The following RUNX1 variants were observed in gnomAD, a reference collection of about 807,000 sequenced individuals.
The protein encoded by RUNX1 is runt-related transcription factor 1.
RUNX1 carries 19 observed loss-of-function variants against 42.8 expected under a neutral mutation model. The ratio of observed to expected loss-of-function variants is 0.44; its 90% CI spans 0.31 to 0.65. The LOEUF (loss-of-function observed/expected upper bound fraction) is 0.65, where lower values mean the gene tolerates loss of function less well. RUNX1 is among the 30% of genes least tolerant of loss of function. The pLI is 0.07. For missense variants in RUNX1, 528 were observed against 672.0 expected, an observed-to-expected ratio of 0.79 and a Z score of 2.37; for synonymous variants, 271 against 289.4, an observed-to-expected ratio of 0.94 and a Z score of 0.64.
rs910166481 is a variant in RUNX1, at chr21:34,816,460, G to A, written c.806-16998C>T. Among the ~76,000 whole-genome samples, 3 of 152,146 alleles carry A rather than the reference G, an allele frequency of 2.0e-5. No individual in the cohort carries two copies. In the East Asian group the frequency reaches 5.8e-4, roughly 29 times the overall value. The stretch of plus-strand genomic sequence containing the variant: ...GTGGTTGAGTTTTTACTGTCTTACA[G>A]CACAGATGGTGGAAAATCATAGCCA... On this transcript the variant is annotated intron_variant, in intron 7 of 8. Coordinates refer to ENST00000675419, the MANE Select transcript of RUNX1 (RefSeq NM_001754.5).
intron 5 of RUNX1, among the ~76,000 whole-genome samples, chr21:34,870,324 C>T (rs1458002248): frequency 6.6e-6 from 1 of 152,216 alleles, no homozygotes; most frequent in Non-Finnish European, 1.5e-5. Context: ...CTCATTGTCC[C>T]TCTGTCTTCC....
intron 2 of RUNX1, among the ~76,000 whole-genome samples, chr21:34,956,958 A>G (rs1034272723): frequency 3.9e-5 from 6 of 152,160 alleles, no homozygotes; most frequent in African/African-American, 1.4e-4. Flanking sequence ...TAACCTGATG[A>G]TTTCCACGTG....
chr21:34,943,706 G>A (rs1397618698), intron 2 of RUNX1, among the ~76,000 whole-genome samples: 1 of 152,114 alleles, frequency 6.6e-6, no homozygotes, highest in Non-Finnish European at 1.5e-5. Flanking sequence ...AGTCTTTGGG[G>A]TTGCTCTAAA....
chr21:34,906,763 G>C (rs370140578), intron 2 of RUNX1, among the ~76,000 whole-genome samples: 225 of 152,352 alleles, frequency 1.5e-3, no homozygotes, highest in African/African-American at 5.3e-3. Context: ...TCCAGTTAAA[G>C]GGGATTTGCA....
Position 34,792,599 on chromosome 21 carries a change from G to A in RUNX1, c.979C>T (p.Leu327=), listed in dbSNP as rs1157267880. 3.8e-6 allele frequency: 6 copies of A among 1,592,840 alleles called. No individual in the cohort carries two copies. Among genetic ancestry groups the A allele is most frequent in the Admixed American group, 1.8e-5 (1 of 56,918 alleles). ...LSSRLSTAPD[L]TAFSDPRQFP... ...TGGCGCGGGTCGCTGAACGCTGTCA[G>A]GTCGGGTGCCGCTGCAGGGCGGGCA... Residue 327 remains leucine (L), a synonymous_variant, in exon 9 of 9, where the codon CTG becomes TTG. Coordinates refer to ENST00000675419, the MANE Select transcript of RUNX1 (RefSeq NM_001754.5). The surrounding 1 kb of genome is among the most constrained non-coding windows in gnomAD (Gnocchi z 6.9).
intron 6 of RUNX1, among the ~76,000 whole-genome samples, chr21:34,836,169 G>C (rs760761561): frequency 2.0e-5 from 3 of 152,196 alleles, no homozygotes; most frequent in Non-Finnish European, 4.4e-5. Flanking sequence ...GTGTCACCAA[G>C]GCAAATCTGG....
At chr21:34,944,910 G>A (rs188005644) in intron 2 of RUNX1, among the ~76,000 whole-genome samples, 3 of 152,282 alleles carry the variant, frequency 2.0e-5, no homozygotes, top group Non-Finnish European at 2.9e-5. Flanking sequence ...CTGACTTATT[G>A]GGAAGTTGTT....
At chr21:35,032,490 A>G (rs767006203) in intron 2 of RUNX1, among the ~76,000 whole-genome samples, 1 of 152,216 alleles carries the variant, frequency 6.6e-6, no homozygotes, top group Non-Finnish European at 1.5e-5. Context: ...AAATAACCCA[A>G]TGGGAAACGG....
In RUNX1 at chr21:34,791,332, A is replaced by T. The variant is rs1311686823; in HGVS notation, c.*803T>A. The T allele has an allele frequency of 4.3e-6, 1 of 231,564 alleles. No individual in the cohort carries two copies. The highest frequency in any genetic ancestry group is 8.6e-6 in the Non-Finnish European group (1 of 116,886). 14.3% of individuals were successfully genotyped at this position (231,564 alleles called of 1,614,324 possible). A position where few individuals can be genotyped will look rare whatever the true frequency, so the allele number is the denominator to read the frequency against. On this transcript the variant is annotated 3_prime_UTR_variant, in exon 9 of 9. Transcript: ENST00000675419. ...ATAAGTACATTTAAATAATTAAAAA[A>T]TTATCAACACATAAATGTCTGAACA... is the stretch of plus-strand genomic sequence containing the variant.
intron 2 of RUNX1, among the ~76,000 whole-genome samples, chr21:34,971,485 A>G (rs1298606441): frequency 6.6e-6 from 1 of 152,026 alleles, no homozygotes; most frequent in East Asian, 1.9e-4. Flanking sequence ...CCTTCCAGAT[A>G]CATTTAAAAT....
chr21:34,817,076 G>A (rs962915192), intron 7 of RUNX1, among the ~76,000 whole-genome samples: 1 of 152,162 alleles, frequency 6.6e-6, no homozygotes, highest in African/African-American at 2.4e-5. Context: ...GGAGTGCAGG[G>A]CTAAGGGAAC....
At chr21:35,047,555 A>ACTCTCTCTCT (rs2059407503) in intron 2 of RUNX1, among the ~76,000 whole-genome samples, 2 of 84,302 alleles carry the variant, frequency 2.4e-5, no homozygotes, top group Admixed American at 2.4e-4. Flanking sequence ...ACACACACAC[A>ACTCTCTCTCT]CACACACTCT....
At chr21:34,988,351 T>A (rs1222467823) in intron 2 of RUNX1, among the ~76,000 whole-genome samples, 24 of 152,098 alleles carry the variant, frequency 1.6e-4, no homozygotes. Flanking sequence ...TGTAGTCTCA[T>A]CTTTCATCAA....
At position 34,791,812 on chromosome 21, in the gene RUNX1, A is replaced by G. The variant is rs1306772255; in HGVS notation, c.*323T>C. The G allele has an allele frequency of 1.3e-5, 3 of 231,736 alleles. No homozygotes were observed. Among genetic ancestry groups the G allele is most frequent in the Non-Finnish European group, 2.6e-5 (3 of 116,900 alleles). 14.4% of individuals were successfully genotyped at this position (231,736 alleles called of 1,614,324 possible). Reference sequence around the variant, plus strand: ...GCATTGCTAAATCAGAAGCATTCACAGTTTCCCTCCGGGAATCTTCCTGTT... The same window carrying G: ...GCATTGCTAAATCAGAAGCATTCACGGTTTCCCTCCGGGAATCTTCCTGTT... On this transcript the variant is annotated 3_prime_UTR_variant, in exon 9 of 9. Transcript: ENST00000675419.
chr21:35,017,502 G>A (rs1317711866), intron 2 of RUNX1, among the ~76,000 whole-genome samples: 1 of 152,132 alleles, frequency 6.6e-6, no homozygotes, highest in African/African-American at 2.4e-5. Flanking sequence ...AGAGTATTGG[G>A]GCCAGTTGTG....
chr21:34,937,318 G>T (rs2058493200), intron 2 of RUNX1, among the ~76,000 whole-genome samples: 1 of 49,920 alleles, frequency 2.0e-5, no homozygotes, highest in Non-Finnish European at 3.5e-5. Context: ...GTGGCCATCA[G>T]CCAAAAAAAA....
At chr21:35,042,412 C>G (rs1252150436) in intron 2 of RUNX1, among the ~76,000 whole-genome samples, 1 of 152,224 alleles carries the variant, frequency 6.6e-6, no homozygotes, top group Non-Finnish European at 1.5e-5. Context: ...GTCACCAGGT[C>G]TGGCAGATGT....
At chr21:34,967,411 C>T (rs2058729146) in intron 2 of RUNX1, among the ~76,000 whole-genome samples, 2 of 146,814 alleles carry the variant, frequency 1.4e-5, no homozygotes, top group African/African-American at 5.0e-5. Context: ...TGGATGGACC[C>T]CTCACCAGGC....
chr21:34,961,666 G>A (rs948644735), intron 2 of RUNX1, among the ~76,000 whole-genome samples: 20 of 152,128 alleles, frequency 1.3e-4, no homozygotes, highest in African/African-American at 3.4e-4. Flanking sequence ...ACACCTGGCC[G>A]TAAGTCAGGC....
Sources: allele counts gnomAD v4.1 joint callset (sites outside exome capture counted in the v4.1 genomes callset), GRCh38; gene constraint gnomAD v4.1.1; non-coding constraint Gnocchi (gnomAD v3.1); transcripts MANE v1.5; gene names NCBI Gene and HGNC (gene_info 2026-07-23, HGNC 2026-07-21).